The following TENM2 variants were observed in gnomAD, a reference collection of about 807,000 sequenced individuals.
The protein encoded by TENM2 is teneurin-2.
A neutral mutation model predicts 245.2 loss-of-function variants in TENM2; 52 were observed. The ratio of observed to expected loss-of-function variants is 0.21; its 90% CI spans 0.17 to 0.27. The LOEUF is 0.27. Ranked by LOEUF, TENM2 falls within the 10% of genes least tolerant of loss-of-function variation. The pLI is 1.00. For synonymous variants in TENM2, 1,363 were observed against 1,438.9 expected, an observed-to-expected ratio of 0.95 and a Z score of 1.19; for missense variants, 3,046 against 3,666.8, an observed-to-expected ratio of 0.83 and a Z score of 4.37.
In TENM2 at chr5:168,126,750, C is replaced by T. The variant is rs1278457774; in HGVS notation, c.2210-4C>T. ...TTGAGCTGTAATCATTGTTTTTCTT[C>T]CAGAAGTGTGCTCAGTAGACTGTGG... On this transcript the variant is annotated splice_polypyrimidine_tract_variant and splice_region_variant and intron_variant, in intron 11 of 28. Transcript: ENST00000518659. The T allele has an allele frequency of 1.2e-6, 2 of 1,604,432 alleles. No homozygotes were observed. Among genetic ancestry groups the T allele is most frequent in the Non-Finnish European group, 1.7e-6 (2 of 1,174,240 alleles).
chr5:167,695,961 G>T (rs1261793855), intron 2 of TENM2, among the ~76,000 whole-genome samples: 1 of 151,772 alleles, frequency 6.6e-6, no homozygotes, highest in Non-Finnish European at 1.5e-5. Flanking sequence ...GTGAACCTGG[G>T]AGGTGGAGCT....
intron 2 of TENM2, among the ~76,000 whole-genome samples, chr5:167,823,370 G>T (rs373821047): frequency 1.3e-5 from 2 of 152,014 alleles, no homozygotes; most frequent in Non-Finnish European, 2.9e-5. Flanking sequence ...AATTATACAT[G>T]TGTACCCACC....
intron 3 of TENM2, among the ~76,000 whole-genome samples, chr5:167,941,089 A>G (rs1452092835): frequency 6.6e-6 from 1 of 152,242 alleles, no homozygotes; most frequent in Non-Finnish European, 1.5e-5. Flanking sequence ...ACAAATTGCT[A>G]ATTCATGACT....
chr5:167,803,048 A>T (rs1310154756), intron 2 of TENM2, among the ~76,000 whole-genome samples: 1 of 152,172 alleles, frequency 6.6e-6, no homozygotes, highest in African/African-American at 2.4e-5. Context: ...TAAATGCTTG[A>T]TGTAGGAGGC....
intron 3 of TENM2, among the ~76,000 whole-genome samples, chr5:167,929,045 AAAAGAAAGAAAGAGAGAAAG>A (rs1405105230): frequency 7.6e-4 from 100 of 131,886 alleles, no homozygotes; most frequent in African/African-American, 2.8e-3. Flanking sequence ...AAGAAAAGAA[AAAAGAAAGAAAGAGAGAAAG>A]AAAGAAAGAA....
chr5:168,237,381 T>C (rs1765600146), intron 25 of TENM2, among the ~76,000 whole-genome samples: 1 of 152,060 alleles, frequency 6.6e-6, no homozygotes, highest in Admixed American at 6.6e-5. Context: ...TTAGCAGGGT[T>C]CTTGTACCCA....
chr5:167,301,159 C>T (rs1027920641), intron 1 of TENM2, among the ~76,000 whole-genome samples: 10 of 152,182 alleles, frequency 6.6e-5, no homozygotes, highest in Admixed American at 3.3e-4. Context: ...AGTCTTCAGC[C>T]GCTAAGCCGA....
chr5:167,406,242 T>G (rs1762632298), intron 2 of TENM2, among the ~76,000 whole-genome samples: 1 of 152,182 alleles, frequency 6.6e-6, no homozygotes. Flanking sequence ...TCATCCGGGA[T>G]GTTTAATGAT....
chr5:168,224,509 A>G (rs1425573493), intron 23 of TENM2, among the ~76,000 whole-genome samples: 2 of 152,178 alleles, frequency 1.3e-5, no homozygotes, highest in African/African-American at 4.8e-5. Context: ...CTTTATTCCA[A>G]AAACATTTCC....
intron 2 of TENM2, among the ~76,000 whole-genome samples, chr5:167,388,985 A>G (rs1227861854): frequency 1.3e-5 from 2 of 152,034 alleles, no homozygotes; most frequent in Non-Finnish European, 2.9e-5. Flanking sequence ...AGAATTTGAT[A>G]AAAAATATTG....
At chr5:167,557,571 T>C (rs1010606846) in intron 2 of TENM2, among the ~76,000 whole-genome samples, 3 of 152,170 alleles carry the variant, frequency 2.0e-5, no homozygotes, top group African/African-American at 4.8e-5. Context: ...ATGTAGGAAA[T>C]GCTTGATAAG....
At chr5:168,105,092 T>A (rs1794137098) in intron 9 of TENM2, among the ~76,000 whole-genome samples, 1 of 152,014 alleles carries the variant, frequency 6.6e-6, no homozygotes, top group Admixed American at 6.6e-5. Flanking sequence ...AATAAGGAAG[T>A]TTATAAAGCA....
chr5:167,500,002 ATG>A (rs372282137), intron 2 of TENM2, among the ~76,000 whole-genome samples: 2,888 of 63,322 alleles, frequency 0.046, 44 homozygotes, highest in South Asian at 0.099. Flanking sequence ...GTGAGGGTGT[ATG>A]TGTGTGTGTA....
At chr5:167,177,577 AG>A in the TENM2 span, among the ~76,000 whole-genome samples, 1 of 152,196 alleles carries the variant, frequency 6.6e-6, no homozygotes. Context: ...ATTAATGAGA[AG>A]TGCCTTGGTC....
intron 1 of TENM2, among the ~76,000 whole-genome samples, chr5:167,348,293 G>T (rs2127833164): frequency 6.6e-6 from 1 of 152,254 alleles, no homozygotes; most frequent in South Asian, 2.1e-4. Flanking sequence ...GTGTTTAATT[G>T]AAATTTCTTC....
chr5:167,680,157 C>A (rs1756604667), intron 2 of TENM2, among the ~76,000 whole-genome samples: 2 of 151,882 alleles, frequency 1.3e-5, no homozygotes, highest in African/African-American at 4.8e-5. Context: ...ATCTTCCAAC[C>A]AATATTGAGC....
intron 2 of TENM2, among the ~76,000 whole-genome samples, chr5:167,774,876 T>C (rs1324644149): frequency 5.3e-5 from 8 of 152,098 alleles, no homozygotes; most frequent in African/African-American, 1.7e-4. Context: ...CATGATAGTT[T>C]CCCCCCAGTG....
Position 168,244,397 on chromosome 5 carries a change from C to A in TENM2, c.5521-23C>A. The A allele has an allele frequency of 6.7e-7, 1 of 1,490,292 alleles. No individual in the cohort carries two copies. The highest frequency in any genetic ancestry group is 9.0e-7 in the Non-Finnish European group (1 of 1,109,482). The allele number at this position is 1,490,292 out of a possible 1,614,324, so 92.3% of individuals were successfully genotyped here. ...GCATGCCTGGGTGATGTCTTTCAAACAAGGCCTGTTGTGTTTTCCTAGGTC... is the reference window on the plus strand; with the variant it reads ...GCATGCCTGGGTGATGTCTTTCAAAAAAGGCCTGTTGTGTTTTCCTAGGTC... On this transcript the variant is annotated intron_variant, in intron 25 of 28. Coordinates refer to ENST00000518659, the Ensembl canonical transcript of TENM2. The surrounding 1 kb of genome is among the most constrained non-coding windows in gnomAD (Gnocchi z 4.9).
chr5:167,251,257 T>C, the TENM2 span, among the ~76,000 whole-genome samples: 128 of 152,186 alleles, frequency 8.4e-4, 1 homozygote, highest in South Asian at 0.021. Flanking sequence ...TGCTTTCAGC[T>C]GAGGGGCCTC....
Sources: allele counts gnomAD v4.1 joint callset (sites outside exome capture counted in the v4.1 genomes callset), GRCh38; gene constraint gnomAD v4.1.1; non-coding constraint Gnocchi (gnomAD v3.1); transcripts MANE v1.5; gene names NCBI Gene and HGNC (gene_info 2026-07-23, HGNC 2026-07-21).